The following EFNA5 variants were observed in gnomAD, a reference collection of about 807,000 sequenced individuals.
The protein encoded by EFNA5 is ephrin-A5.
In EFNA5, 5 loss-of-function variants were observed where a neutral mutation model predicts 22.9. That is an observed-to-expected ratio of 0.22 (90% CI 0.11 to 0.46). The LOEUF (loss-of-function observed/expected upper bound fraction) is 0.46. EFNA5 is among the 20% of genes least tolerant of loss of function. The pLI is 0.99. For synonymous variants in EFNA5, 113 were observed against 112.2 expected (o/e 1.01, Z -0.04); for missense variants, 237 against 293.3 (o/e 0.81, Z 1.40).
intron 1 of EFNA5, among the ~76,000 whole-genome samples, chr5:107,622,643 T>A (rs894415674): frequency 6.6e-6 from 1 of 152,138 alleles, no homozygotes; most frequent in African/African-American, 2.4e-5. Context: ...TGTAACAACA[T>A]CCTGATGTCA....
intron 2 of EFNA5, among the ~76,000 whole-genome samples, chr5:107,400,739 A>G (rs1325373287): frequency 1.3e-5 from 2 of 152,206 alleles, no homozygotes; most frequent in South Asian, 2.1e-4. Flanking sequence ...AAAATAACCA[A>G]AGGCAGCAAG....
chr5:107,505,363 GT>G (rs67122141), intron 1 of EFNA5, among the ~76,000 whole-genome samples: 39 of 152,266 alleles, frequency 2.6e-4, no homozygotes, highest in Non-Finnish European at 4.4e-4. Flanking sequence ...CATGAAAAAT[GT>G]AAAACTACAA....
chr5:107,427,190 C>T (rs1291963040), intron 2 of EFNA5, 27 bp downstream of exon 2: 1 of 1,613,568 alleles, frequency 6.2e-7, no homozygotes, highest in Non-Finnish European at 8.5e-7. Context: ...AGCTGCCCTA[C>T]AACACGATAA....
chr5:107,660,454 C>T (rs898391349), intron 1 of EFNA5, among the ~76,000 whole-genome samples: 15 of 150,754 alleles, frequency 9.9e-5, no homozygotes, highest in Non-Finnish European at 1.9e-4. Flanking sequence ...TACACCCATA[C>T]TGAAACCAAG....
intron 1 of EFNA5, among the ~76,000 whole-genome samples, chr5:107,451,189 T>C (rs1749550372): frequency 1.3e-5 from 2 of 152,244 alleles, no homozygotes; most frequent in Non-Finnish European, 2.9e-5. Context: ...TCTTGTACAG[T>C]AATACCTATG....
intron 4 of EFNA5, among the ~76,000 whole-genome samples, chr5:107,383,000 A>C (rs546525493): frequency 6.6e-6 from 1 of 152,178 alleles, no homozygotes; most frequent in South Asian, 2.1e-4. Flanking sequence ...GTAGAATCAC[A>C]CTCGCTAATA....
intron 1 of EFNA5, among the ~76,000 whole-genome samples, chr5:107,487,437 A>G (rs1288025077): frequency 6.6e-6 from 1 of 152,246 alleles, no homozygotes; most frequent in Non-Finnish European, 1.5e-5. Flanking sequence ...AGCATCTAGC[A>G]CAGTATCTGA....
intron 2 of EFNA5, among the ~76,000 whole-genome samples, chr5:107,409,359 G>A (rs1748301568): frequency 6.6e-6 from 1 of 152,222 alleles, no homozygotes; most frequent in East Asian, 1.9e-4. Flanking sequence ...CATTAAGCCT[G>A]TGAGAGATTG....
intron 1 of EFNA5, among the ~76,000 whole-genome samples, chr5:107,605,524 T>C (rs1402100177): frequency 6.6e-6 from 1 of 152,172 alleles, no homozygotes; most frequent in Non-Finnish European, 1.5e-5. Flanking sequence ...CCTACCAGTC[T>C]GCAAATGGTA....
chr5:107,460,379 C>T (rs1429402484), intron 1 of EFNA5, among the ~76,000 whole-genome samples: 1 of 152,110 alleles, frequency 6.6e-6, no homozygotes, highest in East Asian at 1.9e-4. Context: ...ACTATTTCTG[C>T]TCATAAGGGA....
intron 1 of EFNA5, among the ~76,000 whole-genome samples, chr5:107,433,392 T>G (rs1749017094): frequency 6.6e-6 from 1 of 152,190 alleles, no homozygotes; most frequent in Non-Finnish European, 1.5e-5. Flanking sequence ...ATTATGTACT[T>G]TATGGTAGTT....
chr5:107,592,105 TTATA>T (rs1156732959), intron 1 of EFNA5, among the ~76,000 whole-genome samples: 1 of 105,324 alleles, frequency 9.5e-6, no homozygotes, highest in African/African-American at 5.5e-5. Context: ...AAAATATATT[TTATA>T]TATATTATAT....
At chr5:107,580,408 G>A (rs548399978) in intron 1 of EFNA5, among the ~76,000 whole-genome samples, 5 of 151,950 alleles carry the variant, frequency 3.3e-5, no homozygotes, top group African/African-American at 9.7e-5. Context: ...GATAAATTAG[G>A]GTGAGCAACT....
chr5:107,547,042 C>T (rs78058401), intron 1 of EFNA5, among the ~76,000 whole-genome samples: 88 of 152,310 alleles, frequency 5.8e-4, no homozygotes, highest in Middle Eastern at 3.4e-3. Flanking sequence ...AGAAGTCACA[C>T]AGACAAGCTC....
intron 1 of EFNA5, among the ~76,000 whole-genome samples, chr5:107,511,650 T>C (rs1747372788): frequency 6.6e-6 from 1 of 152,190 alleles, no homozygotes; most frequent in Non-Finnish European, 1.5e-5. Flanking sequence ...CAACAATCTT[T>C]TTAGTTTCAA....
intron 1 of EFNA5, among the ~76,000 whole-genome samples, chr5:107,615,630 C>T (rs1470139612): frequency 6.6e-6 from 1 of 152,178 alleles, no homozygotes; most frequent in East Asian, 1.9e-4. Context: ...ATTATGCATC[C>T]TTTCCTCTCT....
intron 1 of EFNA5, among the ~76,000 whole-genome samples, chr5:107,637,884 T>C (rs1010362963): frequency 6.6e-6 from 1 of 151,830 alleles, no homozygotes; most frequent in African/African-American, 2.4e-5. Context: ...TCTCACTCTG[T>C]CGCCCAGGCT....
intron 1 of EFNA5, among the ~76,000 whole-genome samples, chr5:107,613,939 T>C (rs938007874): frequency 8.5e-5 from 13 of 152,234 alleles, no homozygotes; most frequent in South Asian, 4.1e-4. Flanking sequence ...TTTTGTAAAA[T>C]ATAAGGATAA....
chr5:107,641,606 C>T lies in EFNA5; in HGVS notation c.125+28883G>A, dbSNP rs182525031. ...TCTAGGAAGTTTATTAATACATCAACTCCCAAGGTATTCTGGGATGATGAT... is the reference window on the plus strand; with the variant it reads ...TCTAGGAAGTTTATTAATACATCAATTCCCAAGGTATTCTGGGATGATGAT... On this transcript the variant is annotated intron_variant, in intron 1 of 4. Coordinates refer to ENST00000333274, the MANE Select transcript of EFNA5 (RefSeq NM_001962.3). Among the ~76,000 whole-genome samples the T allele has an allele frequency of 3.3e-5, 5 of 152,290 alleles. No homozygotes were observed. The East Asian group carries it at 7.7e-4, about 24-fold the overall frequency.
Sources: allele counts gnomAD v4.1 joint callset (sites outside exome capture counted in the v4.1 genomes callset), GRCh38; gene constraint gnomAD v4.1.1; transcripts MANE v1.5; gene names NCBI Gene and HGNC (gene_info 2026-07-23, HGNC 2026-07-21).